The following COQ6 variants were observed in gnomAD, a reference collection of about 807,000 sequenced individuals.
COQ6 encodes the protein coenzyme Q6, monooxygenase.
A neutral mutation model predicts 55.5 loss-of-function variants in COQ6; 45 were observed. The ratio of observed to expected loss-of-function variants is 0.81; its 90% CI spans 0.64 to 1.04. COQ6 has a LOEUF of 1.04. Ranked by LOEUF, COQ6 falls within the 50% of genes least tolerant of loss-of-function variation. The pLI is 0.00. For missense variants in COQ6, 550 were observed against 601.3 expected, an observed-to-expected ratio of 0.91 and a Z score of 0.89; for synonymous variants, 206 against 230.5, an observed-to-expected ratio of 0.89 and a Z score of 0.96.
rs1167919172 is a variant in COQ6 at position 73,963,078 on chromosome 14, C to T, written c.*79C>T. ...GACCCATCATACATATTTTCAAGAT[C>T]TTATTTAATTTAATAAACTTACTTT... On this transcript the variant is annotated 3_prime_UTR_variant, in exon 12 of 12. Coordinates refer to ENST00000334571, the MANE Select transcript of COQ6 (RefSeq NM_182476.3). 1 of 1,177,772 alleles carries T rather than the reference C, an allele frequency of 8.5e-7. No homozygotes were observed. Among genetic ancestry groups the T allele is most frequent in the South Asian group, 1.2e-5 (1 of 80,930 alleles). 73.0% of individuals were successfully genotyped at this position (1,177,772 alleles called of 1,614,324 possible).
chr14:73,961,694 C>A (rs774935324), intron 10 of COQ6, 43 bp from the exon 11 acceptor site: 18 of 1,612,700 alleles, frequency 1.1e-5, no homozygotes, highest in African/African-American at 2.7e-5. Flanking sequence ...GGAAGAAAAC[C>A]TTATTATTGG....
At chr14:73,961,613 A>T (rs1448015018) in intron 10 of COQ6, 43 bp downstream of exon 10, 14 of 1,609,548 alleles carry the variant, frequency 8.7e-6, no homozygotes, top group Non-Finnish European at 1.2e-5. Flanking sequence ...GAGGTCATAT[A>T]GTTAGGCAAG....
At chr14:73,952,882 G>A (rs938366882) in intron 1 of COQ6, among the ~76,000 whole-genome samples, 1 of 152,060 alleles carries the variant, frequency 6.6e-6, no homozygotes, top group Non-Finnish European at 1.5e-5. Flanking sequence ...TCACCATGTT[G>A]GCTAGGCTGG....
At chr14:73,954,247 C>A (rs776510876) in intron 2 of COQ6, among the ~76,000 whole-genome samples, 1 of 152,168 alleles carries the variant, frequency 6.6e-6, no homozygotes, top group African/African-American at 2.4e-5. Flanking sequence ...GGCACATAGT[C>A]GGTGCTCAGT....
chr14:73,961,995 T>C (rs2056760067), intron 11 of COQ6, 92 bp downstream of exon 11: 1 of 1,420,932 alleles, frequency 7.0e-7, no homozygotes, highest in Non-Finnish European at 9.8e-7. Flanking sequence ...TCGCCCAGGA[T>C]GGAGTGCAGT....
intron 1 of COQ6, among the ~76,000 whole-genome samples, chr14:73,952,738 C>T (rs1338577167): frequency 6.6e-6 from 1 of 152,112 alleles, no homozygotes; most frequent in East Asian, 1.9e-4. Flanking sequence ...GTTGCCCTGG[C>T]TGGAGTGCAG....
Position 73,961,888 on chromosome 14 carries a change from A to C in COQ6, c.1362A>C (p.Ala454=). ...CGTGGGGCTTGCAGGCCACAAATGC[A>C]GTGTCTCCACTCAAAGTAAGAGGTT... The part of the protein sequence containing the change: ...LRTWGLQATN[A]VSPLKEQIMA... The change falls in exon 11 of 12, where the codon GCA becomes GCC. Residue 454 remains alanine, a synonymous_variant. Transcript: ENST00000334571. 6.2e-7 allele frequency: 1 copy of C among 1,614,166 alleles called. No individual in the cohort carries two copies. Among genetic ancestry groups the C allele is most frequent in the Non-Finnish European group, 8.5e-7 (1 of 1,180,030 alleles).
At position 73,963,098 on chromosome 14, in the gene COQ6, T is replaced by TA. The variant is rs1248910242; in HGVS notation, c.*100dup. 1.0e-6 allele frequency: 1 copy of TA among 1,002,672 alleles called. No homozygotes were observed. The highest frequency in any genetic ancestry group is 1.6e-6 in the Non-Finnish European group (1 of 632,998). 62.1% of individuals were successfully genotyped at this position (1,002,672 alleles called of 1,614,324 possible). ...AAGATCTTATTTAATTTAATAAACT[T>TA]ACTTTACATTAAAATTCTCTTTTTC... is the stretch of plus-strand genomic sequence containing the variant. On this transcript the variant is annotated 3_prime_UTR_variant, in exon 12 of 12. Transcript: ENST00000334571.
intron 4 of COQ6, among the ~76,000 whole-genome samples, chr14:73,957,101 ATT>A (rs1418106208): frequency 4.2e-5 from 6 of 143,512 alleles, no homozygotes; most frequent in South Asian, 2.2e-4. Context: ...TATTATTATT[ATT>A]TTTTTTTTTT....
upstream of COQ6, chr14:73,949,945 C>T (rs758440196): frequency 2.5e-6 from 4 of 1,612,354 alleles, no homozygotes; most frequent in Non-Finnish European, 3.4e-6. Context: ...GATTCCTTTC[C>T]CGGGGGCAGT....
chr14:73,953,354 T>TG, intron 1 of COQ6, 81 bp from the exon 2 acceptor site: 1 of 1,187,364 alleles, frequency 8.4e-7, no homozygotes. Context: ...AAGGGTTAAG[T>TG]GGTTACTCTG....
chr14:73,962,361 G>A (rs567719918), intron 11 of COQ6, among the ~76,000 whole-genome samples: 4 of 152,034 alleles, frequency 2.6e-5, no homozygotes, highest in East Asian at 1.9e-4. Context: ...TAGGTGTTAC[G>A]GCCCACATCT....
At chr14:73,949,944 C>CCTTTCCTCT, upstream of COQ6, 1 of 1,612,306 alleles carries the variant, frequency 6.2e-7, no homozygotes, top group Non-Finnish European at 8.5e-7. Context: ...GGATTCCTTT[C>CCTTTCCTCT]CCGGGGGCAG....
At position 73,958,129 on chromosome 14, in the gene COQ6, C is replaced by T; in HGVS notation, c.482-18C>T. The T allele has an allele frequency of 6.2e-7, 1 of 1,611,312 alleles. No homozygotes were observed. The highest frequency in any genetic ancestry group is 8.5e-7 in the Non-Finnish European group (1 of 1,177,698). ...GCCCACCTTTCTAATTTTTTTTCCT[C>T]TCTTTTGACCTCCCCAGACCGAGTG... On this transcript the variant is annotated intron_variant, in intron 4 of 11. Coordinates refer to ENST00000334571, the MANE Select transcript of COQ6 (RefSeq NM_182476.3).
Position 73,950,325 on chromosome 14 carries a change from T to A in COQ6, c.-8T>A, listed in dbSNP as rs751939779. On this transcript the variant is annotated 5_prime_UTR_variant, in exon 1 of 12. Coordinates refer to ENST00000334571, the MANE Select transcript of COQ6 (RefSeq NM_182476.3). ...GGAGTTCTGAGTGCGACGGCGCAGG[T>A]CTGCACCATGGCGGCCCGGCTTGTC... The A allele has an allele frequency of 1.9e-6, 3 of 1,549,308 alleles. No individual in the cohort carries two copies. The highest frequency in any genetic ancestry group is 2.6e-6 in the Non-Finnish European group (3 of 1,150,236).
Position 73,960,972 on chromosome 14 carries a change from A to C in COQ6, c.892-201A>C, listed in dbSNP as rs888575647. The C allele has an allele frequency of 2.1e-4, 142 of 686,584 alleles. No homozygotes were observed. In the Admixed American group the frequency reaches 3.0e-3, roughly 15 times the overall value. The allele number at this position is 686,584 out of a possible 1,614,324, so 42.5% of individuals were successfully genotyped here. A position where few individuals can be genotyped will look rare whatever the true frequency, so the allele number is the denominator to read the frequency against. ...AGTAGGCAGGGGCCAGCTCATGTAC[A>C]GTTTGGCTAGATCTTAAAACCTCTG... On this transcript the variant is annotated intron_variant, in intron 8 of 11. Transcript: ENST00000334571.
At chr14:73,957,896 A>C (rs1365248160) in intron 4 of COQ6, 1 of 466,462 alleles carries the variant, frequency 2.1e-6, no homozygotes, top group African/African-American at 2.0e-5. Flanking sequence ...GCGCAGAAGC[A>C]TGTGGACAGT....
In COQ6 at chr14:73,955,498, C is replaced by T. The variant is rs148540645; in HGVS notation, c.346C>T (p.Arg116Trp). The T allele has an allele frequency of 3.3e-4, 526 of 1,613,884 alleles. 1 individual carries two copies. The highest frequency in any genetic ancestry group is 4.3e-4 in the Non-Finnish European group (507 of 1,179,890). Residue 116 changes from arginine (R) to tryptophan (W), a missense_variant, in exon 3 of 12, where the codon CGG becomes TGG. Transcript: ENST00000334571. ...CTGCAACATGAGATACAGAGCCTTTCGGCGAATGCAGGTGCCCCTTTATCT... is the reference window on the plus strand; with the variant it reads ...CTGCAACATGAGATACAGAGCCTTTTGGCGAATGCAGGTGCCCCTTTATCT... ...HICNMRYRAF[R>W]RMQVWDACSE...
chr14:73,959,437 T>G lies in COQ6; in HGVS notation c.806T>G (p.Leu269Trp). Residue 269 changes from leucine to tryptophan, a missense_variant, in exon 8 of 12, where the codon TTG (leucine) becomes TGG (tryptophan). Physicochemically the swap from Leu to Trp is moderately conservative, Grantham distance 61. Coordinates refer to ENST00000334571, the MANE Select transcript of COQ6 (RefSeq NM_182476.3). ...CAGCTCTCAGACACCTTGAGTTCCT[T>G]GGTTTGGTCCACGTCCCATGAACAT... ...LLPLSDTLSS[L>W]VWSTSHEHAA... 6.2e-7 allele frequency: 1 copy of G among 1,614,222 alleles called. No homozygotes were observed. The highest frequency in any genetic ancestry group is 8.5e-7 in the Non-Finnish European group (1 of 1,180,046).
Sources: allele counts gnomAD v4.1 joint callset (sites outside exome capture counted in the v4.1 genomes callset), GRCh38; gene constraint gnomAD v4.1.1; transcripts MANE v1.5; gene names NCBI Gene and HGNC (gene_info 2026-07-23, HGNC 2026-07-21).